GAB2: variants seen among roughly 807,000 people sequenced by gnomAD.
GAB2 encodes the protein GRB2 associated binding protein 2, also known as GRB2-associated-binding protein 2.
In GAB2, 26 loss-of-function variants were observed where a neutral mutation model predicts 65.5. The ratio of observed to expected loss-of-function variants is 0.40; its 90% confidence interval spans 0.29 to 0.55. The LOEUF is 0.55. GAB2 is among the 20% of genes least tolerant of loss of function. The pLI, the probability that GAB2 is intolerant of heterozygous loss-of-function variation, is 0.53. For synonymous variants in GAB2, 321 were observed against 329.6 expected (o/e 0.97, Z 0.28); for missense variants, 884 against 875.8 (o/e 1.01, Z -0.12).
chr11:78,399,976 A>G (rs1211395568), intron 1 of GAB2, among the ~76,000 whole-genome samples: 2 of 152,226 alleles, frequency 1.3e-5, no homozygotes, highest in African/African-American at 2.4e-5. Flanking sequence ...AACATTGTCA[A>G]TATACACTGA....
intron 3 of GAB2, among the ~76,000 whole-genome samples, chr11:78,237,296 T>C (rs1406181242): frequency 6.6e-6 from 1 of 152,200 alleles, no homozygotes; most frequent in African/African-American, 2.4e-5. Flanking sequence ...TAAATGCTTA[T>C]CATCATGTGA....
chr11:78,289,129 A>G (rs1866575482), intron 1 of GAB2, among the ~76,000 whole-genome samples: 1 of 152,204 alleles, frequency 6.6e-6, no homozygotes, highest in Non-Finnish European at 1.5e-5. Context: ...GCTAGTTGTC[A>G]TGGTTCGTGC....
intron 1 of GAB2, among the ~76,000 whole-genome samples, chr11:78,346,695 ATATATATATATATATATATATATATAATT>A (rs1396182287): frequency 3.0e-4 from 29 of 95,278 alleles, no homozygotes; most frequent in African/African-American, 5.3e-4. Context: ...ATATATATAT[ATATATATATATATATATATATATATAATT>A]TTTTTTTTTT....
chr11:78,297,832 A>G (rs1425083439), intron 1 of GAB2, among the ~76,000 whole-genome samples: 1 of 152,190 alleles, frequency 6.6e-6, no homozygotes, highest in Non-Finnish European at 1.5e-5. Context: ...TACCATGTTT[A>G]TGTACACAAA....
intron 1 of GAB2, among the ~76,000 whole-genome samples, chr11:78,371,747 G>A (rs1371557955): frequency 1.3e-5 from 2 of 152,132 alleles, no homozygotes; most frequent in Admixed American, 1.3e-4. Flanking sequence ...CTTTTCATAA[G>A]ACCATTAGTA....
At position 78,417,772 on chromosome 11, in the gene GAB2, G is replaced by A; in HGVS notation, c.-52C>T. The A allele has an allele frequency of 2.1e-6, 2 of 966,248 alleles. No individual in the cohort carries two copies. The highest frequency in any genetic ancestry group is 2.5e-6 in the Non-Finnish European group (2 of 788,022). 59.9% of individuals were successfully genotyped at this position (966,248 alleles called of 1,614,324 possible). On this transcript the variant is annotated 5_prime_UTR_variant, in exon 1 of 10. Coordinates refer to ENST00000361507, the MANE Select transcript of GAB2 (RefSeq NM_080491.3). ...GTCGCGCGGACGAGGGCGCGGGCTCGGGCAGCTGGGGCAGCGGCCGGCGGT... is the reference window on the plus strand; with the variant it reads ...GTCGCGCGGACGAGGGCGCGGGCTCAGGCAGCTGGGGCAGCGGCCGGCGGT...
intron 3 of GAB2, among the ~76,000 whole-genome samples, chr11:78,246,719 CA>C (rs1865308166): frequency 6.6e-6 from 1 of 152,028 alleles, no homozygotes; most frequent in Non-Finnish European, 1.5e-5. Flanking sequence ...GTCTGATCTT[CA>C]ACTCCTGACC....
At chr11:78,291,174 T>A (rs1457800038) in intron 1 of GAB2, among the ~76,000 whole-genome samples, 1 of 150,622 alleles carries the variant, frequency 6.6e-6, no homozygotes. Context: ...AGATCAAGGC[T>A]GGGCGTGGTG....
rs1200164008 is a variant in GAB2, at chr11:78,223,693, T to C, written c.1303-17A>G. ...TTTCCCTGGCTAGGGAGAGGAACAG[T>C]GAAAGAAATACAGCTGTTACTAGCA... On this transcript the variant is annotated splice_polypyrimidine_tract_variant and intron_variant, in intron 5 of 9. Transcript: ENST00000361507. 1 of 1,567,730 alleles carries C rather than the reference T, an allele frequency of 6.4e-7. No homozygotes were observed. The highest frequency in any genetic ancestry group is 1.4e-5 in the African/African-American group (1 of 73,220).
Position 78,329,198 on chromosome 11 carries a change from A to G in GAB2, c.76-48297T>C, listed in dbSNP as rs542340431. ...TTATGTTTGAAATTTTTCATTTAAA[A>G]ATGTTAGCAAAAATGAAGAACATTT... is the stretch of plus-strand genomic sequence containing the variant. On this transcript the variant is annotated intron_variant, in intron 1 of 9. Coordinates refer to ENST00000361507, the MANE Select transcript of GAB2 (RefSeq NM_080491.3). Among the ~76,000 whole-genome samples the G allele has an allele frequency of 7.2e-5, 11 of 152,304 alleles. No individual in the cohort carries two copies. In the South Asian group the frequency reaches 2.3e-3, roughly 32 times the overall value.
In GAB2 at chr11:78,326,123, A is replaced by G. The variant is rs1383754750; in HGVS notation, c.76-45222T>C. 3.9e-5 allele frequency among the ~76,000 whole-genome samples: 6 copies of G among 152,352 alleles called. No individual in the cohort carries two copies. In the East Asian group the frequency reaches 1.2e-3, roughly 29 times the overall value. ...TTTAATACATATAGTAAAGCATCAT[A>G]GTATATTAAATGCACTTTGCTTTAT... On this transcript the variant is annotated intron_variant, in intron 1 of 9. Coordinates refer to ENST00000361507, the MANE Select transcript of GAB2 (RefSeq NM_080491.3).
intron 1 of GAB2, among the ~76,000 whole-genome samples, chr11:78,355,140 T>A (rs1163117621): frequency 2.0e-5 from 3 of 152,210 alleles, no homozygotes; most frequent in Admixed American, 2.0e-4. Flanking sequence ...TCCACGGGAA[T>A]AGGGATTAGG....
intron 1 of GAB2, among the ~76,000 whole-genome samples, chr11:78,283,116 C>A (rs1057067017): frequency 1.3e-5 from 2 of 152,206 alleles, no homozygotes; most frequent in Admixed American, 1.3e-4. Context: ...TTCTCCTGTT[C>A]TTTGGCAACA....
chr11:78,323,546 A>G (rs1341560687), intron 1 of GAB2, among the ~76,000 whole-genome samples: 1 of 151,630 alleles, frequency 6.6e-6, no homozygotes, highest in Non-Finnish European at 1.5e-5. Flanking sequence ...ACCAAACACC[A>G]CACTTATAAT....
rs373966214 is a variant in GAB2 at position 78,226,973 on chromosome 11, G to A, written c.699C>T (p.Gly233=). ...SDTAVQKLAQ[G]NGHCVNGISG... is the part of the protein sequence containing the mutation. ...TGATCCCGTTGACACAGTGTCCATT[G>A]CCCTGGGCAAGTTTTTGTACAGCTG... The change falls in exon 4 of 10, where the codon GGC becomes GGT. Residue 233 remains glycine (G), a synonymous_variant. Transcript: ENST00000361507. 1.8e-5 allele frequency: 29 copies of A among 1,613,528 alleles called. No individual in the cohort carries two copies. Among genetic ancestry groups the A allele is most frequent in the Non-Finnish European group, 2.3e-5 (27 of 1,179,698 alleles).
intron 1 of GAB2, among the ~76,000 whole-genome samples, chr11:78,345,032 AGGAG>A (rs1007815224): frequency 5.9e-5 from 9 of 152,212 alleles, no homozygotes; most frequent in Non-Finnish European, 1.3e-4. Context: ...ATCCTGGCAC[AGGAG>A]GGAGGGAGGG....
chr11:78,311,974 C>T (rs1473600679), intron 1 of GAB2, among the ~76,000 whole-genome samples: 1 of 152,112 alleles, frequency 6.6e-6, no homozygotes, highest in Non-Finnish European at 1.5e-5. Context: ...CCGTCCAGGG[C>T]TGGCTGTAGT....
At chr11:78,374,804 A>G (rs1172044891) in intron 1 of GAB2, among the ~76,000 whole-genome samples, 2 of 152,214 alleles carry the variant, frequency 1.3e-5, no homozygotes, top group Admixed American at 1.3e-4. Flanking sequence ...GAAACTAAGA[A>G]CTAAGAAAGA....
intron 1 of GAB2, among the ~76,000 whole-genome samples, chr11:78,382,554 A>G (rs997049990): frequency 3.3e-5 from 5 of 152,002 alleles, no homozygotes; most frequent in Non-Finnish European, 7.4e-5. Context: ...AGGGATACTT[A>G]CACTTTAATG....
Sources: gnomAD v4.1 joint callset for allele counts (sites outside exome capture counted in the v4.1 genomes callset) on GRCh38, gnomAD v4.1.1 for gene constraint, MANE v1.5 for transcripts, NCBI Gene and HGNC (gene_info 2026-07-23, HGNC 2026-07-21) for gene names.